Variants in CACNA1C observed in about 807,000 individuals in gnomAD.
CACNA1C encodes the protein calcium voltage-gated channel subunit alpha1 C, also known as voltage-dependent L-type calcium channel subunit alpha-1C.
Under a neutral mutation model 229.0 loss-of-function variants are expected in CACNA1C, and 30 were observed. The observed-to-expected ratio is 0.13, with a 90% CI of 0.10 to 0.18. The LOEUF (loss-of-function observed/expected upper bound fraction) is 0.18, where lower values mean the gene tolerates loss of function less well. CACNA1C is among the 10% of genes least tolerant of loss of function. The probability of loss-of-function intolerance (pLI) is 1.00; values close to 1 mark genes in which losing one functional copy is unlikely to be tolerated. For missense variants in CACNA1C, 1,658 were observed against 2,845.0 expected, an observed-to-expected ratio of 0.58 and a Z score of 9.49; for synonymous variants, 1,114 against 1,132.5, an observed-to-expected ratio of 0.98 and a Z score of 0.33.
chr12:2,500,250 T>C lies in CACNA1C; in HGVS notation c.1114-4592T>C, dbSNP rs1341614321. 3.3e-5 allele frequency among the ~76,000 whole-genome samples: 5 copies of C among 152,334 alleles called. No homozygotes were observed. The East Asian group carries it at 7.7e-4, about 23-fold the overall frequency. Reference sequence around the variant, plus strand: ...AGGGGGACCCATGAGTTTCCTCTTATGGTCCTGGCTGTCTGTGGGGCCATG... The same window carrying C: ...AGGGGGACCCATGAGTTTCCTCTTACGGTCCTGGCTGTCTGTGGGGCCATG... On this transcript the variant is annotated intron_variant, in intron 7 of 46. Transcript: ENST00000399655.
At chr12:1,994,719 A>G (rs550261936) in intron 1 of CACNA1C, among the ~76,000 whole-genome samples, 1 of 152,346 alleles carries the variant, frequency 6.6e-6, no homozygotes, top group East Asian at 1.9e-4. Flanking sequence ...TCATACAAGA[A>G]TGAGAATTTG....
intron 3 of CACNA1C, among the ~76,000 whole-genome samples, chr12:2,129,687 A>G (rs573436562): frequency 2.0e-5 from 3 of 152,340 alleles, no homozygotes; most frequent in South Asian, 2.1e-4. Flanking sequence ...AGGAATTTCA[A>G]TGATTGCACC....
chr12:2,136,470 A>G (rs12579529), intron 3 of CACNA1C, among the ~76,000 whole-genome samples: 5,876 of 151,456 alleles, frequency 0.039, 387 homozygotes, highest in African/African-American at 0.12. Flanking sequence ...TTTAACTGCT[A>G]TGCTGTGTGG....
At chr12:2,590,688 G>A (rs994028153) in intron 18 of CACNA1C, among the ~76,000 whole-genome samples, 7 of 152,172 alleles carry the variant, frequency 4.6e-5, no homozygotes, top group Non-Finnish European at 8.8e-5. Flanking sequence ...TAAACGGGGG[G>A]GAGCTCGTGC....
intron 3 of CACNA1C, among the ~76,000 whole-genome samples, chr12:2,300,705 G>A (rs2154473086): frequency 6.6e-6 from 1 of 152,314 alleles, no homozygotes; most frequent in Admixed American, 6.5e-5. Flanking sequence ...AGTACAATTA[G>A]CTCCCTTTGA....
chr12:2,687,974 C>T (rs889750625), intron 45 of CACNA1C, among the ~76,000 whole-genome samples: 10 of 152,250 alleles, frequency 6.6e-5, no homozygotes, highest in African/African-American at 2.4e-4. Flanking sequence ...TTTCCCAACT[C>T]TTTGTGAGGT....
At chr12:2,092,411 G>T (rs1565627986) in intron 1 of CACNA1C, among the ~76,000 whole-genome samples, 1 of 152,186 alleles carries the variant, frequency 6.6e-6, no homozygotes, top group Non-Finnish European at 1.5e-5. Context: ...TCTCCTTGTG[G>T]CTTGGATATC....
rs371075833 is a variant in CACNA1C, at chr12:2,581,814, G to T, written c.2103+17G>T. ...GTGTTTCAGGTATGGACTCTTCTCT[G>T]CTGGGATTCGGACTCGGGGTGGTTG... On this transcript the variant is annotated intron_variant, in intron 14 of 46. Transcript: ENST00000399655. 1 of 1,510,406 alleles carries T rather than the reference G, an allele frequency of 6.6e-7. No homozygotes were observed. Among genetic ancestry groups the T allele is most frequent in the Non-Finnish European group, 9.2e-7 (1 of 1,087,968 alleles). 93.6% of individuals were successfully genotyped at this position (1,510,406 alleles called of 1,614,324 possible).
At position 2,158,670 on chromosome 12, in the gene CACNA1C, A is replaced by G. The variant is rs143328935; in HGVS notation, c.477+38240A>G. 4.6e-5 allele frequency among the ~76,000 whole-genome samples: 7 copies of G among 152,356 alleles called. No homozygotes were observed. The East Asian group carries it at 7.7e-4, about 17-fold the overall frequency. On this transcript the variant is annotated intron_variant, in intron 3 of 46. Coordinates refer to ENST00000399655, the MANE Select transcript of CACNA1C (RefSeq NM_000719.7). ...GAAGAAAAATGATTTCCAGTTGACA[A>G]TTTTATATCTGATCAAACTATCACT...
chr12:2,229,461 A>G (rs940261850), intron 3 of CACNA1C, among the ~76,000 whole-genome samples: 16 of 152,204 alleles, frequency 1.1e-4, no homozygotes, highest in Non-Finnish European at 1.9e-4. Context: ...GGAGTTAGCA[A>G]TAAATAAAAC....
chr12:2,674,624 G>A lies in CACNA1C; in HGVS notation c.4810G>A (p.Val1604Met). ...GACCAGCATGAAGCTGCTGGACCAG[G>A]TGGTGCCCCCTGCAGGTGGTGAGTG... ...KRTSMKLLDQVVPPAGDDEVT... is the reference protein window; with the variant it reads ...KRTSMKLLDQMVPPAGDDEVT... The change falls in exon 39 of 47, where the codon GTG becomes ATG. Residue 1604 changes from valine (V) to methionine (M), a missense_variant. Physicochemically the swap from Val to Met is conservative, Grantham distance 21. This residue lies in a region of CACNA1C where 151 missense variants were observed against 344.4 expected (regional missense o/e 0.44). Coordinates refer to ENST00000399655, the MANE Select transcript of CACNA1C (RefSeq NM_000719.7). 1 of 1,569,496 alleles carries A rather than the reference G, an allele frequency of 6.4e-7. No individual in the cohort carries two copies. Among genetic ancestry groups the A allele is most frequent in the Non-Finnish European group, 8.6e-7 (1 of 1,157,010 alleles).
At chr12:2,341,679 A>T (rs1400392050) in intron 3 of CACNA1C, among the ~76,000 whole-genome samples, 3 of 152,226 alleles carry the variant, frequency 2.0e-5, no homozygotes, top group Non-Finnish European at 4.4e-5. Flanking sequence ...TGAGGGCAAG[A>T]CCAGGTTCAT....
chr12:2,071,803 C>A (rs2061438776), intron 1 of CACNA1C, among the ~76,000 whole-genome samples: 1 of 152,114 alleles, frequency 6.6e-6, no homozygotes, highest in African/African-American at 2.4e-5. Context: ...TCTACTTTTT[C>A]AAATATTTTA....
In CACNA1C at chr12:2,053,680, C is replaced by A. The variant is rs1188165541; in HGVS notation, c.49+69C>A. ...CCACCGGGTTCCTGCCCTACCCGCG[C>A]TCCCCGCGGCCCCGGGGCCGGTCCC... On this transcript the variant is annotated intron_variant, in intron 1 of 46. Transcript: ENST00000399655. This position sits in a 1 kb window ranked among gnomAD's most constrained non-coding sequence, Gnocchi z 5.8. 13 of 1,468,462 alleles carry A rather than the reference C, an allele frequency of 8.9e-6. No individual in the cohort carries two copies. The highest frequency in any genetic ancestry group is 1.2e-5 in the Non-Finnish European group (13 of 1,104,616). 91.0% of individuals were successfully genotyped at this position (1,468,462 alleles called of 1,614,324 possible). A position where few individuals can be genotyped will look rare whatever the true frequency, so the allele number is the denominator to read the frequency against.
chr12:2,349,665 G>A (rs368049370), intron 3 of CACNA1C, among the ~76,000 whole-genome samples: 1 of 152,134 alleles, frequency 6.6e-6, no homozygotes, highest in African/African-American at 2.4e-5. Flanking sequence ...GAGCTCTGCA[G>A]TGGTCCCACG....
intron 5 of CACNA1C, among the ~76,000 whole-genome samples, chr12:2,460,896 G>A (rs2099496476): frequency 6.6e-6 from 1 of 152,180 alleles, no homozygotes; most frequent in African/African-American, 2.4e-5. Context: ...TGTCTGTGCA[G>A]CTTTTGAAAC....
At chr12:1,994,586 T>G (rs1168194670) in intron 1 of CACNA1C, among the ~76,000 whole-genome samples, 7 of 152,344 alleles carry the variant, frequency 4.6e-5, no homozygotes, top group Non-Finnish European at 1.0e-4. Context: ...CAAAGAGCTC[T>G]GTTAGGGGTC....
In CACNA1C at chr12:2,348,153, G is replaced by A. The variant is rs539660707; in HGVS notation, c.478-100823G>A. Among the ~76,000 whole-genome samples the A allele has an allele frequency of 1.3e-5, 2 of 152,320 alleles. No individual in the cohort carries two copies. The highest frequency in any genetic ancestry group is 4.1e-4 in the South Asian group (2 of 4,826). On this transcript the variant is annotated intron_variant, in intron 3 of 46. Transcript: ENST00000399655. This position sits in a 1 kb window ranked among gnomAD's most constrained non-coding sequence, Gnocchi z 4.7. The stretch of plus-strand genomic sequence containing the variant: ...GCCTGCTGCAGGAGTGGGAGCGTGG[G>A]GCTAGCTGCCAGTGGGATGGCCCCA...
Position 2,588,008 on chromosome 12 carries a change from T to C in CACNA1C, c.2530+2104T>C, listed in dbSNP as rs963241028. Among the ~76,000 whole-genome samples, 4 of 152,292 alleles carry C rather than the reference T, an allele frequency of 2.6e-5. 1 individual carries two copies. The highest frequency in any genetic ancestry group is 2.1e-4 in the South Asian group (1 of 4,824). ...TAAAGCTGGTGGCCCCACACATCAC[T>C]CTGCCCCCAAAGGCTAAGTTAGCTT... On this transcript the variant is annotated intron_variant, in intron 18 of 46. Coordinates refer to ENST00000399655, the MANE Select transcript of CACNA1C (RefSeq NM_000719.7).
Sources: gnomAD v4.1 joint callset for allele counts (sites outside exome capture counted in the v4.1 genomes callset) on GRCh38, gnomAD v4.1.1 for gene constraint, gnomAD v4.1.1 regional missense constraint, Gnocchi (gnomAD v3.1) non-coding constraint, MANE v1.5 for transcripts, NCBI Gene and HGNC (gene_info 2026-07-23, HGNC 2026-07-21) for gene names.